The following ARHGEF3 variants were observed in gnomAD, a reference collection of about 807,000 sequenced individuals.
ARHGEF3 encodes the protein Rho guanine nucleotide exchange factor 3.
In ARHGEF3, 28 loss-of-function variants were observed where a neutral mutation model predicts 63.2. That is an observed-to-expected ratio of 0.44 (90% CI 0.33 to 0.61). The LOEUF is 0.61. Among genes scored for constraint, ARHGEF3 ranks in the 20% least tolerant of loss-of-function variants. ARHGEF3 has a pLI of 0.03. For missense variants in ARHGEF3, 533 were observed against 659.3 expected (o/e 0.81, Z 2.10); for synonymous variants, 266 against 254.2 (o/e 1.05, Z -0.44).
At chr3:56,821,451 G>T (rs2038490969) in intron 4 of ARHGEF3, among the ~76,000 whole-genome samples, 1 of 152,070 alleles carries the variant, frequency 6.6e-6, no homozygotes, top group Non-Finnish European at 1.5e-5. Flanking sequence ...GCTGGTGAGG[G>T]TACAGTTTCT....
rs769035452 is a variant in ARHGEF3 at position 56,755,594 on chromosome 3, G to A, written c.205-443C>T. ...TATAAATAGAATCCCACTAACTTTGGGTATCCTATTACATATAGTTTTGGT... is the reference window on the plus strand; with the variant it reads ...TATAAATAGAATCCCACTAACTTTGAGTATCCTATTACATATAGTTTTGGT... On this transcript the variant is annotated intron_variant, in intron 2 of 9. Transcript: ENST00000296315. Among the ~76,000 whole-genome samples, 86 of 152,142 alleles carry A rather than the reference G, an allele frequency of 5.7e-4. 2 individuals carry two copies. Among genetic ancestry groups the A allele is most frequent in the Admixed American group, 2.0e-4 (3 of 15,292 alleles).
chr3:57,004,252 C>T (rs1702380046), intron 2 of ARHGEF3, among the ~76,000 whole-genome samples: 1 of 152,208 alleles, frequency 6.6e-6, no homozygotes. Flanking sequence ...GAGATAATGA[C>T]AGTCTGGAGC....
intron 3 of ARHGEF3, among the ~76,000 whole-genome samples, chr3:56,941,546 A>T (rs950756978): frequency 1.3e-5 from 2 of 152,220 alleles, no homozygotes; most frequent in Non-Finnish European, 2.9e-5. Flanking sequence ...ATGTGTTCTA[A>T]GACCTGAAAC....
chr3:56,830,655 G>A (rs1456867461), intron 4 of ARHGEF3, among the ~76,000 whole-genome samples: 1 of 152,130 alleles, frequency 6.6e-6, no homozygotes, highest in African/African-American at 2.4e-5. Context: ...GAGGCCCTGC[G>A]GGATCTGGTG....
intron 4 of ARHGEF3, among the ~76,000 whole-genome samples, chr3:56,856,853 T>C (rs1431873141): frequency 6.6e-6 from 1 of 151,998 alleles, no homozygotes; most frequent in East Asian, 1.9e-4. Context: ...TGAACCAACT[T>C]ACTCTTCATA....
intron 2 of ARHGEF3, among the ~76,000 whole-genome samples, chr3:57,002,033 C>T (rs1702216621): frequency 6.7e-6 from 1 of 149,512 alleles, no homozygotes; most frequent in Non-Finnish European, 1.5e-5. Context: ...ACGCCATTCT[C>T]CTGCCTCAGC....
At chr3:56,967,297 A>AATTATATATTATAT (rs562517224) in intron 2 of ARHGEF3, among the ~76,000 whole-genome samples, 1 of 86,706 alleles carries the variant, frequency 1.2e-5, no homozygotes, top group African/African-American at 4.2e-5. Context: ...ATATTATACA[A>AATTATATATTATAT]ATTATATATT....
chr3:56,866,718 T>C (rs920391913), intron 4 of ARHGEF3, among the ~76,000 whole-genome samples: 2 of 152,246 alleles, frequency 1.3e-5, no homozygotes, highest in African/African-American at 4.8e-5. Context: ...TGTATGTTGA[T>C]TGATAACTCC....
At chr3:56,917,970 G>A (rs949752354) in intron 3 of ARHGEF3, among the ~76,000 whole-genome samples, 10 of 152,208 alleles carry the variant, frequency 6.6e-5, no homozygotes, top group Non-Finnish European at 1.5e-4. Flanking sequence ...AAATGACAGT[G>A]TCCACTGAGA....
chr3:57,003,762 G>A (rs957300865), intron 2 of ARHGEF3, among the ~76,000 whole-genome samples: 1 of 152,160 alleles, frequency 6.6e-6, no homozygotes, highest in South Asian at 2.1e-4. Context: ...TGTGATCATG[G>A]AAGCAGAGGT....
At chr3:56,971,338 C>G (rs1700902719) in intron 2 of ARHGEF3, among the ~76,000 whole-genome samples, 1 of 152,106 alleles carries the variant, frequency 6.6e-6, no homozygotes, top group Non-Finnish European at 1.5e-5. Context: ...CTGTATTCAC[C>G]CCAGTCATCT....
intron 2 of ARHGEF3, among the ~76,000 whole-genome samples, chr3:56,992,266 T>C (rs1301553427): frequency 6.6e-6 from 1 of 150,530 alleles, no homozygotes; most frequent in Non-Finnish European, 1.5e-5. Context: ...CAGAGAAAAA[T>C]GAACCTCTGT....
Position 57,007,442 on chromosome 3 carries a change from A to T in ARHGEF3, c.62+27646T>A. ...CCAAAATCAGGCTTGGAAAGTGAGAATTTGGTCTTCCAGGTGAAAACAGGC... is the reference window on the plus strand; with the variant it reads ...CCAAAATCAGGCTTGGAAAGTGAGATTTTGGTCTTCCAGGTGAAAACAGGC... On this transcript the variant is annotated intron_variant, in intron 2 of 12. Coordinates refer to the ARHGEF3 transcript ENST00000338458. 2.6e-6 allele frequency: 3 copies of T among 1,153,754 alleles called. No individual in the cohort carries two copies. In the South Asian group the frequency reaches 4.2e-5, roughly 16 times the overall value. 71.5% of individuals were successfully genotyped at this position (1,153,754 alleles called of 1,614,324 possible).
chr3:56,947,541 A>G (rs1699575562), intron 3 of ARHGEF3, among the ~76,000 whole-genome samples: 1 of 152,242 alleles, frequency 6.6e-6, no homozygotes, highest in African/African-American at 2.4e-5. Context: ...AGGCCATTAC[A>G]TAATGGTAAA....
At chr3:57,024,298 TAA>T (rs57220752) in intron 2 of ARHGEF3, among the ~76,000 whole-genome samples, 45 of 141,684 alleles carry the variant, frequency 3.2e-4, no homozygotes, top group African/African-American at 1.2e-3. Context: ...GGAAAGATAT[TAA>T]AAAAAAAAAA....
chr3:56,755,263 G>C, intron 2 of ARHGEF3, 112 bp from the exon 3 acceptor site: 1 of 1,250,528 alleles, frequency 8.0e-7, no homozygotes, highest in Non-Finnish European at 1.1e-6. Context: ...AAGAAAAAGA[G>C]GACATTGCCA....
At chr3:56,954,247 G>A (rs558626538) in intron 3 of ARHGEF3, among the ~76,000 whole-genome samples, 2 of 152,170 alleles carry the variant, frequency 1.3e-5, no homozygotes, top group Non-Finnish European at 2.9e-5. Context: ...ACAGGCAATG[G>A]CAGGAGCTGT....
At chr3:56,927,769 A>G (rs2042313268) in intron 3 of ARHGEF3, among the ~76,000 whole-genome samples, 1 of 151,986 alleles carries the variant, frequency 6.6e-6, no homozygotes, top group Admixed American at 6.5e-5. Context: ...CCCATAAAAA[A>G]CAAACAAACA....
chr3:57,053,735 T>C (rs1457476389), intron 1 of ARHGEF3, among the ~76,000 whole-genome samples: 1 of 152,194 alleles, frequency 6.6e-6, no homozygotes, highest in Non-Finnish European at 1.5e-5. Context: ...GTGTCTGAAA[T>C]GTACATAAAT....
Sources: gnomAD v4.1 joint callset for allele counts (sites outside exome capture counted in the v4.1 genomes callset) on GRCh38, gnomAD v4.1.1 for gene constraint, MANE v1.5 for transcripts, NCBI Gene and HGNC (gene_info 2026-07-23, HGNC 2026-07-21) for gene names.